SPTBN4: variants seen among roughly 807,000 people sequenced by gnomAD.
SPTBN4 encodes spectrin beta, non-erythrocytic 4.
A neutral mutation model predicts 277.8 loss-of-function variants in SPTBN4; 96 were observed. That is an observed-to-expected ratio of 0.35 (90% CI 0.29 to 0.41). The LOEUF (loss-of-function observed/expected upper bound fraction) is 0.41, where lower values mean the gene tolerates loss of function less well. SPTBN4 is among the 10% of genes least tolerant of loss of function. SPTBN4 has a pLI of 1.00. For missense variants in SPTBN4, 3,006 were observed against 3,595.7 expected (o/e 0.84, Z 4.19); for synonymous variants, 1,481 against 1,580.3 (o/e 0.94, Z 1.49).
chr19:40,528,546 T>C (rs1366923791), intron 17 of SPTBN4, among the ~76,000 whole-genome samples: 1 of 152,202 alleles, frequency 6.6e-6, no homozygotes, highest in Non-Finnish European at 1.5e-5. Flanking sequence ...GGGCTGTCCC[T>C]GACCGGACTC....
chr19:40,506,079 G>C (rs2080326309), intron 12 of SPTBN4, among the ~76,000 whole-genome samples, 157 bp from the exon 13 acceptor site: 1 of 152,248 alleles, frequency 6.6e-6, no homozygotes, highest in Admixed American at 6.5e-5. Context: ...AGGCCACAGA[G>C]CTGGTAAGAG....
chr19:40,474,152 A>C (rs1463856132), intron 2 of SPTBN4, among the ~76,000 whole-genome samples: 1 of 16,172 alleles, frequency 6.2e-5, no homozygotes, highest in Non-Finnish European at 1.5e-4. Context: ...AACCTATCTC[A>C]AAAAAAAAAA....
At chr19:40,476,418 T>C (rs2145805139) in intron 2 of SPTBN4, among the ~76,000 whole-genome samples, 1 of 150,894 alleles carries the variant, frequency 6.6e-6, no homozygotes, top group East Asian at 2.0e-4. Flanking sequence ...ATTCAACTGG[T>C]GGATTGCCAG....
At position 40,569,691 on chromosome 19, in the gene SPTBN4, C is replaced by CAGG. The variant is rs748458726; in HGVS notation, c.6994_6996dup (p.Glu2332dup). The CAGG allele has an allele frequency of 6.2e-6, 10 of 1,612,916 alleles. No individual in the cohort carries two copies. The highest frequency in any genetic ancestry group is 7.6e-6 in the Non-Finnish European group (9 of 1,179,558). The stretch of plus-strand genomic sequence containing the variant: ...CCTGGCTGACATTGTGGAACAGCTG[C>CAGG]AGGAGAAAGAGGCAGGCCCAGGGCT... On this transcript the variant is annotated inframe_insertion, in exon 32 of 36. Transcript: ENST00000598249.
chr19:40,471,729 C>T (rs1336419381), intron 1 of SPTBN4, among the ~76,000 whole-genome samples: 1 of 152,004 alleles, frequency 6.6e-6, no homozygotes, highest in African/African-American at 2.4e-5. Context: ...GCAACCACCA[C>T]ATTTGGCTAA....
At chr19:40,471,868 A>G (rs1266265283) in intron 1 of SPTBN4, among the ~76,000 whole-genome samples, 2 of 150,124 alleles carry the variant, frequency 1.3e-5, no homozygotes, top group Non-Finnish European at 3.0e-5. Flanking sequence ...CCTCCTGAGT[A>G]GCTGGGATTA....
At chr19:40,472,932 CATAATGT>C in intron 2 of SPTBN4, 142 bp downstream of exon 2, 6 of 818,498 alleles carry the variant, frequency 7.3e-6, no homozygotes, top group Non-Finnish European at 1.1e-5. Flanking sequence ...AGTCTATATC[CATAATGT>C]ACCATATAAT....
Position 40,504,118 on chromosome 19 carries a change from A to G in SPTBN4, c.1651A>G (p.Met551Val). 1.1e-6 allele frequency: 1 copy of G among 938,230 alleles called. No individual in the cohort carries two copies. The highest frequency in any genetic ancestry group is 1.5e-6 in the Non-Finnish European group (1 of 680,472). 58.1% of individuals were successfully genotyped at this position (938,230 alleles called of 1,614,324 possible). ...GGAGATGGTGTACATGGTGGACTGGATGGAGGAGATGCAGGTGCCGGCGGG... is the reference window on the plus strand; with the variant it reads ...GGAGATGGTGTACATGGTGGACTGGGTGGAGGAGATGCAGGTGCCGGCGGG... Reference protein sequence around the residue: ...FQEMVYMVDWMEEMQAQLLSR... With the variant: ...FQEMVYMVDWVEEMQAQLLSR... The change falls in exon 12 of 36, where the codon ATG (methionine) becomes GTG (valine). Residue 551 changes from methionine (M) to valine (V), a missense_variant. Coordinates refer to ENST00000598249, the MANE Select transcript of SPTBN4 (RefSeq NM_020971.3).
chr19:40,570,519 C>A lies in SPTBN4; in HGVS notation c.7110C>A (p.Asp2370Glu). Residue 2370 changes from aspartate to glutamate, a missense_variant, in exon 33 of 36, where the codon GAC (aspartate) becomes GAA (glutamate). Asp to Glu is a conservative substitution (Grantham distance 45). Coordinates refer to ENST00000598249, the MANE Select transcript of SPTBN4 (RefSeq NM_020971.3). ...TGCCCGAGCGGACACCTCGGCCGGA[C>A]CGGCCCCGGGCGCGGGACCGGCCCA... ...LELPERTPRP[D>E]RPRARDRPKP... The A allele has an allele frequency of 6.7e-7, 1 of 1,492,626 alleles. No individual in the cohort carries two copies. The highest frequency in any genetic ancestry group is 8.9e-7 in the Non-Finnish European group (1 of 1,127,712). The allele number at this position is 1,492,626 out of a possible 1,614,324, so 92.5% of individuals were successfully genotyped here.
In SPTBN4 at chr19:40,534,150, G is replaced by T; in HGVS notation, c.4166G>T (p.Arg1389Leu). The T allele has an allele frequency of 1.2e-6, 2 of 1,612,894 alleles. No homozygotes were observed. Among genetic ancestry groups the T allele is most frequent in the Non-Finnish European group, 1.7e-6 (2 of 1,179,452 alleles). ...ASVRKKLGEI[R>L]QCWAELESTT... ...GTGCGGAAGAAGCTGGGCGAGATCC[G>T]CCAGTGCTGGGCGGAGCTGGAGAGC... Residue 1389 changes from arginine to leucine, a missense_variant, in exon 20 of 36, where the codon CGC (arginine) becomes CTC (leucine). Around this residue, in one of 5 missense-constraint regions of SPTBN4, gnomAD observed 1,759 missense variants for 2,061.5 expected, o/e 0.85. Transcript: ENST00000598249.
Position 40,520,095 on chromosome 19 carries a change from A to G in SPTBN4, c.3598A>G (p.Ile1200Val), listed in dbSNP as rs1435273943. 4 of 1,483,578 alleles carry G rather than the reference A, an allele frequency of 2.7e-6. No homozygotes were observed. Among genetic ancestry groups the G allele is most frequent in the East Asian group, 2.6e-5 (1 of 38,690 alleles). The allele number at this position is 1,483,578 out of a possible 1,614,324, so 91.9% of individuals were successfully genotyped here. The change falls in exon 16 of 36, where the codon ATC (isoleucine) becomes GTC (valine). Residue 1200 changes from isoleucine to valine, a missense_variant. Ile to Val is a conservative substitution (Grantham distance 29). Coordinates refer to ENST00000598249, the MANE Select transcript of SPTBN4 (RefSeq NM_020971.3). ...ARREALVQAH[I>V]YQLFLRDLRQ... ...CAGGGAGGCGCTGGTCCAGGCGCACATCTACCAGCTCTTCCTGCGGGATCT... is the reference window on the plus strand; with the variant it reads ...CAGGGAGGCGCTGGTCCAGGCGCACGTCTACCAGCTCTTCCTGCGGGATCT...
At chr19:40,525,320 CTTTTT>C (rs34066431) in intron 17 of SPTBN4, among the ~76,000 whole-genome samples, 2 of 130,626 alleles carry the variant, frequency 1.5e-5, no homozygotes, top group Admixed American at 7.8e-5. Context: ...CTTTGTTCCA[CTTTTT>C]TTTTTTTTTT....
intron 26 of SPTBN4, among the ~76,000 whole-genome samples, chr19:40,558,069 G>T (rs1455373266): frequency 6.6e-6 from 1 of 151,792 alleles, no homozygotes; most frequent in African/African-American, 2.4e-5. Flanking sequence ...GAAATTAGAC[G>T]ACAGACAAGG....
Position 40,569,681 on chromosome 19 carries a change from G to T in SPTBN4, c.6981G>T (p.Val2327=). The change falls in exon 32 of 36, where the codon GTG becomes GTT. Residue 2327 remains valine, a synonymous_variant. Transcript: ENST00000598249. ...VKGKATLADI[V]EQLQEKEAGP... Reference sequence around the variant, plus strand: ...GGAAGGCCACCCTGGCTGACATTGTGGAACAGCTGCAGGAGAAAGAGGCAG... The same window carrying T: ...GGAAGGCCACCCTGGCTGACATTGTTGAACAGCTGCAGGAGAAAGAGGCAG... 1 of 1,612,828 alleles carries T rather than the reference G, an allele frequency of 6.2e-7. No individual in the cohort carries two copies. The highest frequency in any genetic ancestry group is 1.1e-5 in the South Asian group (1 of 90,946).
Position 40,560,833 on chromosome 19 carries a change from C to A in SPTBN4, c.5915+430C>A. 1.2e-6 allele frequency: 1 copy of A among 857,430 alleles called. No homozygotes were observed. The highest frequency in any genetic ancestry group is 1.5e-6 in the Non-Finnish European group (1 of 686,378). The allele number at this position is 857,430 out of a possible 1,614,324, so 53.1% of individuals were successfully genotyped here. A position where few individuals can be genotyped will look rare whatever the true frequency, so the allele number is the denominator to read the frequency against. The stretch of plus-strand genomic sequence containing the variant: ...TGTGAGTGTCCAGCAGAATCCTGTC[C>A]CCTGGTGATTGGGAGCCAGGGTCCT... On this transcript the variant is annotated intron_variant, in intron 27 of 35. Transcript: ENST00000598249. This position sits in a 1 kb window ranked among gnomAD's most constrained non-coding sequence, Gnocchi z 5.2.
chr19:40,517,942 T>C (rs2080479013), intron 15 of SPTBN4, among the ~76,000 whole-genome samples: 1 of 152,152 alleles, frequency 6.6e-6, no homozygotes, highest in Non-Finnish European at 1.5e-5. Flanking sequence ...GTGTCCATTC[T>C]AGAGGGGGCA....
At position 40,563,646 on chromosome 19, in the gene SPTBN4, C is replaced by G. The variant is rs549572195; in HGVS notation, c.5916-1777C>G. 7.0e-5 allele frequency among the ~76,000 whole-genome samples: 9 copies of G among 128,274 alleles called. No homozygotes were observed. The East Asian group carries it at 2.0e-3, about 28-fold the overall frequency. The allele number at this position is 128,274 out of a possible 152,430, so 84.2% of individuals were successfully genotyped here. ...CAGGTGATCCGCCCGCCTCAGCCTCCCAATCTCAGCCAAGCGGAGATCGCA... is the reference window on the plus strand; with the variant it reads ...CAGGTGATCCGCCCGCCTCAGCCTCGCAATCTCAGCCAAGCGGAGATCGCA... On this transcript the variant is annotated intron_variant, in intron 27 of 35. Coordinates refer to ENST00000598249, the MANE Select transcript of SPTBN4 (RefSeq NM_020971.3).
At chr19:40,574,422 C>T (rs4803346) in intron 35 of SPTBN4, among the ~76,000 whole-genome samples, 41,026 of 150,672 alleles carry the variant, frequency 0.27, 5,733 homozygotes, top group Middle Eastern at 0.31. Flanking sequence ...AGTGCCATGG[C>T]GCAATCTCAG....
rs778485733 is a variant in SPTBN4, at chr19:40,549,302, C to A, written c.4473C>A (p.Asn1491Lys). ...ASKELVGERQ[N>K]AVGERLVRLL... ...AGGAGCTGGTGGGTGAGCGGCAGAA[C>A]GCGGTGGGCGAGCGCCTGGTGCGCC... The change falls in exon 21 of 36, where the codon AAC becomes AAA. Residue 1491 changes from asparagine to lysine, a missense_variant. Asn to Lys is a moderately conservative substitution (Grantham distance 94). Transcript: ENST00000598249. The A allele has an allele frequency of 5.8e-6, 9 of 1,541,604 alleles. No individual in the cohort carries two copies. The highest frequency in any genetic ancestry group is 7.9e-6 in the Non-Finnish European group (9 of 1,145,974).
Sources: allele counts gnomAD v4.1 joint callset (sites outside exome capture counted in the v4.1 genomes callset), GRCh38; gene constraint gnomAD v4.1.1; regional missense constraint gnomAD v4.1.1; non-coding constraint Gnocchi (gnomAD v3.1); transcripts MANE v1.5; gene names NCBI Gene and HGNC (gene_info 2026-07-23, HGNC 2026-07-21).